The following OPHN1 variants were observed in gnomAD, a reference collection of about 807,000 sequenced individuals.
OPHN1 encodes the protein oligophrenin 1.
In OPHN1, 11 loss-of-function variants were observed where a neutral mutation model predicts 60.7. That is an observed-to-expected ratio of 0.18 (90% CI 0.11 to 0.30). The LOEUF is 0.30. OPHN1 is among the 10% of genes least tolerant of loss of function. The pLI, the probability that OPHN1 is intolerant of heterozygous loss-of-function variation, is 1.00. For missense variants in OPHN1, 449 were observed against 611.0 expected (o/e 0.73, Z 2.80); for synonymous variants, 226 against 222.6 (o/e 1.02, Z -0.14).
At chrX:68,371,004 G>A (rs1220896914) in intron 2 of OPHN1, among the ~76,000 whole-genome samples, 1 of 111,079 alleles carries the variant, frequency 9.0e-6, no homozygotes, top group Admixed American at 9.6e-5. Flanking sequence ...AATGTCGGAA[G>A]TAAGCCCTTC....
At chrX:68,065,677 C>T (rs192682656) in intron 20 of OPHN1, among the ~76,000 whole-genome samples, 7 of 111,691 alleles carry the variant, frequency 6.3e-5, no homozygotes, top group African/African-American at 9.8e-5. Context: ...CTCAGTAAAA[C>T]GGGAATAATA....
At chrX:68,352,334 T>G (rs908431802) in intron 2 of OPHN1, among the ~76,000 whole-genome samples, 1 of 105,998 alleles carries the variant, frequency 9.4e-6, no homozygotes, top group Non-Finnish European at 1.9e-5. Flanking sequence ...TTAGAGGCTT[T>G]TATTACAATT....
intron 2 of OPHN1, among the ~76,000 whole-genome samples, chrX:68,413,218 A>C (rs1283140073): frequency 1.8e-5 from 2 of 111,943 alleles, no homozygotes; most frequent in Non-Finnish European, 3.8e-5. Context: ...ACATAGTGAG[A>C]AGTTCAAAAA....
intron 2 of OPHN1, among the ~76,000 whole-genome samples, chrX:68,332,516 G>T (rs748267399): frequency 1.8e-4 from 20 of 112,150 alleles, no homozygotes; most frequent in African/African-American, 6.5e-4. Flanking sequence ...CGAGGGAAAG[G>T]TTATACCACT....
chrX:68,317,575 G>GAA lies in OPHN1; in HGVS notation c.155-18480_155-18479insTT, dbSNP rs1341092923. Among the ~76,000 whole-genome samples, 235 of 72,091 alleles carry GAA rather than the reference G, an allele frequency of 3.3e-3. 2 individuals carry two copies. Among genetic ancestry groups the GAA allele is most frequent in the African/African-American group, 8.8e-3 (95 of 10,785 alleles). 62.6% of individuals were successfully genotyped at this position (72,091 alleles called of 115,157 possible). A position where few individuals can be genotyped will look rare whatever the true frequency, so the allele number is the denominator to read the frequency against. On this transcript the variant is annotated intron_variant, in intron 2 of 24. Coordinates refer to ENST00000355520, the MANE Select transcript of OPHN1 (RefSeq NM_002547.3). ...AGAAAGAAAGAAAGAAAGAAAGAAA[G>GAA]AGAAAGAAAGAAAGAGAGAGAAAGA... is the stretch of plus-strand genomic sequence containing the variant.
chrX:68,236,805 C>T (rs956833665), intron 5 of OPHN1, among the ~76,000 whole-genome samples: 4 of 112,004 alleles, frequency 3.6e-5, no homozygotes, highest in Non-Finnish European at 7.5e-5. Flanking sequence ...AGTAAATATC[C>T]GGTAGTCCCA....
intron 2 of OPHN1, among the ~76,000 whole-genome samples, chrX:68,379,158 A>G (rs2078579865): frequency 9.0e-6 from 1 of 110,804 alleles, no homozygotes; most frequent in Admixed American, 9.7e-5. Context: ...CGTCCCTTGT[A>G]AGTTGGATTC....
intron 2 of OPHN1, among the ~76,000 whole-genome samples, chrX:68,397,520 ATTTATTTTT>A (rs1245815257): frequency 4.4e-5 from 1 of 22,963 alleles, no homozygotes; most frequent in Non-Finnish European, 7.9e-5. Context: ...TTATTTATTT[ATTTATTTTT>A]TTTTTTTTTT....
chrX:68,422,720 A>AAAGGAAGG lies in OPHN1; in HGVS notation c.154+10139_154+10146dup, dbSNP rs373179402. On this transcript the variant is annotated intron_variant, in intron 2 of 24. Transcript: ENST00000355520. ...AGGAAAGAGAGAGAGAGAAAGAAAGAAAGGAAGGAAGGAAGGAAGGAAGGA... is the reference window on the plus strand; with the variant it reads ...AGGAAAGAGAGAGAGAGAAAGAAAGAAAGGAAGGAAGGAAGGAAGGAAGGAAGGAAGGA... 4.6e-5 allele frequency among the ~76,000 whole-genome samples: 4 copies of AAAGGAAGG among 87,830 alleles called. 1 individual carries two copies. The highest frequency in any genetic ancestry group is 1.7e-4 in the African/African-American group (4 of 22,932). 76.3% of individuals were successfully genotyped at this position (87,830 alleles called of 115,157 possible). A position where few individuals can be genotyped will look rare whatever the true frequency, so the allele number is the denominator to read the frequency against.
intron 19 of OPHN1, among the ~76,000 whole-genome samples, chrX:68,091,412 G>A (rs1468847153): frequency 2.7e-5 from 3 of 110,938 alleles, no homozygotes; most frequent in African/African-American, 9.8e-5. Flanking sequence ...TTAGACAACT[G>A]GTAAAAGTTT....
intron 19 of OPHN1, among the ~76,000 whole-genome samples, chrX:68,088,457 C>A (rs1477890786): frequency 1.8e-5 from 2 of 111,551 alleles, no homozygotes; most frequent in African/African-American, 6.5e-5. Flanking sequence ...CTTTTTAGAT[C>A]AACTTAAGAT....
intron 20 of OPHN1, among the ~76,000 whole-genome samples, chrX:68,069,802 C>T (rs965512792): frequency 1.8e-5 from 2 of 110,649 alleles, no homozygotes; most frequent in Non-Finnish European, 3.8e-5. Context: ...AAGAGTGAGC[C>T]TTGTGAAGTT....
intron 15 of OPHN1, among the ~76,000 whole-genome samples, chrX:68,161,670 T>C (rs2077334887): frequency 9.0e-6 from 1 of 111,107 alleles, no homozygotes; most frequent in African/African-American, 3.3e-5. Flanking sequence ...ATTAGTATTG[T>C]TTATAAAAAT....
rs1171753156 is a variant in OPHN1 at position 68,365,902 on chromosome X, C to T, written c.155-66806G>A. 2.9e-5 allele frequency among the ~76,000 whole-genome samples: 3 copies of T among 103,169 alleles called. No homozygotes were observed. The Admixed American group carries it at 3.2e-4, about 11-fold the overall frequency. 89.6% of individuals were successfully genotyped at this position (103,169 alleles called of 115,157 possible). A position where few individuals can be genotyped will look rare whatever the true frequency, so the allele number is the denominator to read the frequency against. On this transcript the variant is annotated intron_variant, in intron 2 of 24. Transcript: ENST00000355520. ...CCAAGGTCTCATGGCAAGAGAGTGA[C>T]ATCTGATTTTTAATCCCACACTCAT...
chrX:68,426,948 G>T (rs1225830222), intron 2 of OPHN1, among the ~76,000 whole-genome samples: 1 of 105,188 alleles, frequency 9.5e-6, no homozygotes, highest in Non-Finnish European at 1.9e-5. Context: ...TTTGGAAAAG[G>T]GTATTTAGAA....
chrX:68,340,573 A>C (rs1158287424), intron 2 of OPHN1, among the ~76,000 whole-genome samples: 1 of 112,471 alleles, frequency 8.9e-6, no homozygotes, highest in African/African-American at 3.2e-5. Flanking sequence ...TGACAGACCT[A>C]AATACAAAAT....
Position 68,292,095 on chromosome X carries a change from A to G in OPHN1, c.250+6906T>C, listed in dbSNP as rs182858481. Among the ~76,000 whole-genome samples, 31 of 111,564 alleles carry G rather than the reference A, an allele frequency of 2.8e-4. No homozygotes were observed. The East Asian group carries it at 8.5e-3, about 31-fold the overall frequency. On this transcript the variant is annotated intron_variant, in intron 3 of 24. Coordinates refer to ENST00000355520, the MANE Select transcript of OPHN1 (RefSeq NM_002547.3). ...CAGTATGTTTTATTAAGATTTCTCAATCTCTTTACTTGATATTCTTTTGGG... is the reference window on the plus strand; with the variant it reads ...CAGTATGTTTTATTAAGATTTCTCAGTCTCTTTACTTGATATTCTTTTGGG...
chrX:68,079,884 T>A (rs2076968046), intron 19 of OPHN1, among the ~76,000 whole-genome samples: 1 of 111,878 alleles, frequency 8.9e-6, no homozygotes, highest in South Asian at 3.7e-4. Flanking sequence ...ATCCATTTAG[T>A]CACCAAGTTC....
At chrX:68,256,883 T>C (rs2077866475) in intron 5 of OPHN1, among the ~76,000 whole-genome samples, 1 of 109,816 alleles carries the variant, frequency 9.1e-6, no homozygotes, top group Admixed American at 9.8e-5. Context: ...ATTACAAAAA[T>C]TAGCTGGGTG....
Sources: gnomAD v4.1 joint callset for allele counts (sites outside exome capture counted in the v4.1 genomes callset) on GRCh38, gnomAD v4.1.1 for gene constraint, MANE v1.5 for transcripts, NCBI Gene and HGNC (gene_info 2026-07-23, HGNC 2026-07-21) for gene names.